The following FBN2 variants were observed in gnomAD, a reference collection of about 807,000 sequenced individuals.
FBN2 encodes the protein fibrillin 2.
In FBN2, 105 loss-of-function variants were observed where a neutral mutation model predicts 355.6. The observed-to-expected ratio is 0.30, with a 90% confidence interval of 0.25 to 0.35. The LOEUF (loss-of-function observed/expected upper bound fraction) is 0.35. Ranked by LOEUF, FBN2 falls within the 10% of genes least tolerant of loss-of-function variation. The probability of loss-of-function intolerance (pLI) is 1.00; values close to 1 mark genes in which losing one functional copy is unlikely to be tolerated. For synonymous variants in FBN2, 1,350 were observed against 1,301.2 expected (o/e 1.04, Z -0.81); for missense variants, 3,280 against 3,758.7 (o/e 0.87, Z 3.33).
Position 128,344,444 on chromosome 5 carries a change from C to T in FBN2, c.3284G>A (p.Ser1095Asn). 3 of 1,613,702 alleles carry T rather than the reference C, an allele frequency of 1.9e-6. No homozygotes were observed. Among genetic ancestry groups the T allele is most frequent in the Non-Finnish European group, 2.5e-6 (3 of 1,179,632 alleles). ...GCCACTATTGCAACGGCATTTGAAG[C>T]TTCCGATTGTATTTCTGCACTTCCC... Reference protein sequence around the residue: ...TYGKCRNTIGSFKCRCNSGFA... With the variant: ...TYGKCRNTIGNFKCRCNSGFA... Residue 1095 changes from serine to asparagine, a missense_variant, in exon 25 of 65, where the codon AGC becomes AAC. Physicochemically the swap from Ser to Asn is conservative, Grantham distance 46. Around this residue, in one of 6 missense-constraint regions of FBN2, gnomAD observed 2,284 missense variants for 2,749.5 expected, o/e 0.83. Transcript: ENST00000262464.
chr5:128,503,454 T>G (rs1288719348), intron 5 of FBN2, among the ~76,000 whole-genome samples: 1 of 152,084 alleles, frequency 6.6e-6, no homozygotes, highest in East Asian at 1.9e-4. Context: ...GACAGGAAGA[T>G]GTGGGAAAGT....
At chr5:128,396,871 G>T (rs1410966899) in intron 8 of FBN2, among the ~76,000 whole-genome samples, 3 of 152,316 alleles carry the variant, frequency 2.0e-5, no homozygotes, top group African/African-American at 7.2e-5. Context: ...CAATAATGAA[G>T]ATGAAACTGT....
intron 8 of FBN2, among the ~76,000 whole-genome samples, chr5:128,401,323 C>A (rs1752792751): frequency 6.6e-6 from 1 of 152,168 alleles, no homozygotes; most frequent in Non-Finnish European, 1.5e-5. Flanking sequence ...CCATGATTCA[C>A]ATTTATGAAT....
intron 36 of FBN2, among the ~76,000 whole-genome samples, chr5:128,317,826 A>C (rs1401455180): frequency 6.6e-6 from 1 of 152,138 alleles, no homozygotes; most frequent in East Asian, 1.9e-4. Flanking sequence ...TAGATATTCT[A>C]ACAGCTATAC....
intron 61 of FBN2, 125 bp downstream of exon 61, chr5:128,273,715 G>C: frequency 1.1e-6 from 1 of 928,416 alleles, no homozygotes; most frequent in African/African-American, 1.7e-5. Flanking sequence ...GGAATAAGTT[G>C]CTGGGTCCTA....
At chr5:128,294,106 C>T (rs1467639476) in intron 48 of FBN2, among the ~76,000 whole-genome samples, 10 of 151,806 alleles carry the variant, frequency 6.6e-5, no homozygotes, top group South Asian at 4.2e-4. Flanking sequence ...TTTGTTCTTG[C>T]GATAGTTTAC....
At chr5:128,485,529 A>C (rs1755314791) in intron 5 of FBN2, among the ~76,000 whole-genome samples, 1 of 151,898 alleles carries the variant, frequency 6.6e-6, no homozygotes, top group African/African-American at 2.4e-5. Context: ...AAGATCTCAA[A>C]CTCAATGTTG....
chr5:128,450,795 A>G (rs965114300), intron 6 of FBN2, among the ~76,000 whole-genome samples: 3 of 152,152 alleles, frequency 2.0e-5, no homozygotes, highest in African/African-American at 7.2e-5. Flanking sequence ...TATAAAAATA[A>G]ATGTGAATTT....
Position 128,290,813 on chromosome 5 carries a change from TG to T in FBN2, c.6363del (p.Thr2122GlnfsTer127). The T allele has an allele frequency of 1.2e-6, 2 of 1,614,124 alleles. No individual in the cohort carries two copies. Among genetic ancestry groups the T allele is most frequent in the Non-Finnish European group, 1.7e-6 (2 of 1,179,958 alleles). On this transcript the variant is annotated frameshift_variant, in exon 50 of 65. Coordinates refer to ENST00000262464, the MANE Select transcript of FBN2 (RefSeq NM_001999.4). LOFTEE classifies it high-confidence loss of function. ...GKCSVPKAFN[T>X]TKAKCCCSKM... is the part of the protein sequence containing the mutation. ...TTACTACAGCAGCATTTTGCTTTTG[TG>T]GTGTTGAAAGCTTTGGGTACAGAAC...
chr5:128,329,926 A>G (rs1385802470), intron 33 of FBN2, among the ~76,000 whole-genome samples: 1 of 152,238 alleles, frequency 6.6e-6, no homozygotes, highest in East Asian at 1.9e-4. Context: ...ATCCTCAAAG[A>G]GTATGAATGA....
At chr5:128,319,898 A>G (rs1750322966) in intron 34 of FBN2, among the ~76,000 whole-genome samples, 2 of 152,240 alleles carry the variant, frequency 1.3e-5, no homozygotes, top group African/African-American at 2.4e-5. Context: ...CACTCTGAGA[A>G]TGCAGACCAG....
chr5:128,497,060 GAT>G (rs1179759002), intron 5 of FBN2, among the ~76,000 whole-genome samples: 1 of 152,062 alleles, frequency 6.6e-6, no homozygotes, highest in Non-Finnish European at 1.5e-5. Context: ...TAAATGAAAA[GAT>G]ATTCCATGAA....
Position 128,445,345 on chromosome 5 carries a change from C to T in FBN2, c.952+1136G>A, listed in dbSNP as rs557926450. Among the ~76,000 whole-genome samples the T allele has an allele frequency of 1.1e-4, 17 of 151,012 alleles. 1 individual carries two copies. Among genetic ancestry groups the T allele is most frequent in the African/African-American group, 4.1e-4 (17 of 41,164 alleles). On this transcript the variant is annotated intron_variant, in intron 7 of 64. Transcript: ENST00000262464. Reference sequence around the variant, plus strand: ...GGAGCTAAGTATACATGAACCAGGGCAAATGAAAAAAAACAGGATAATACA... The same window carrying T: ...GGAGCTAAGTATACATGAACCAGGGTAAATGAAAAAAAACAGGATAATACA...
intron 5 of FBN2, among the ~76,000 whole-genome samples, chr5:128,485,715 A>G (rs1241482714): frequency 6.6e-6 from 1 of 152,194 alleles, no homozygotes; most frequent in African/African-American, 2.4e-5. Context: ...GGAGGAATTG[A>G]AAAGAATATA....
intron 40 of FBN2, 112 bp from the exon 41 acceptor site, chr5:128,309,511 T>C: frequency 1.2e-6 from 1 of 830,558 alleles, no homozygotes; most frequent in Admixed American, 2.2e-5. Context: ...TCGGAAACCC[T>C]TTTTAGTCAT....
intron 13 of FBN2, among the ~76,000 whole-genome samples, chr5:128,377,266 G>A (rs1752102471): frequency 6.6e-6 from 1 of 152,002 alleles, no homozygotes; most frequent in African/African-American, 2.4e-5. Context: ...ATATTTCTGT[G>A]GTGTGTTGGT....
rs201722644 is a variant in FBN2, at chr5:128,309,410, A to G, written c.5201-11T>C. ...AGCTTTTTCTCATGTCTATATAAAG[A>G]AAAACAAAGAAACTAGCCATTTGTA... On this transcript the variant is annotated splice_polypyrimidine_tract_variant and intron_variant, in intron 40 of 64. Transcript: ENST00000262464. The G allele has an allele frequency of 8.1e-6, 13 of 1,612,744 alleles. No homozygotes were observed. Among genetic ancestry groups the G allele is most frequent in the Non-Finnish European group, 1.1e-5 (13 of 1,179,044 alleles).
chr5:128,382,720 C>CT (rs1188390505), intron 11 of FBN2, among the ~76,000 whole-genome samples: 1 of 152,102 alleles, frequency 6.6e-6, no homozygotes, highest in South Asian at 2.1e-4. Flanking sequence ...GTTTTCTACT[C>CT]TTTGACTCCC....
Position 128,350,893 on chromosome 5 carries a change from C to T in FBN2, c.2787G>A (p.Gly929=). The T allele has an allele frequency of 1.2e-6, 2 of 1,614,126 alleles. No homozygotes were observed. Among genetic ancestry groups the T allele is most frequent in the Non-Finnish European group, 1.7e-6 (2 of 1,180,014 alleles). The change falls in exon 21 of 65, where the codon GGG becomes GGA. Residue 929 remains glycine (G), a synonymous_variant. Coordinates refer to ENST00000262464, the MANE Select transcript of FBN2 (RefSeq NM_001999.4). ...ECCATLGAAW[G]SPCERCELDT... ...CTAGTTCACACCGCTCACAGGGGCT[C>T]CCCCAGGCGGCTCCGAGGGTGGCAC...
Sources: allele counts gnomAD v4.1 joint callset (sites outside exome capture counted in the v4.1 genomes callset), GRCh38; gene constraint gnomAD v4.1.1; regional missense constraint gnomAD v4.1.1; transcripts MANE v1.5; gene names NCBI Gene and HGNC (gene_info 2026-07-23, HGNC 2026-07-21).